MYO1D: variants seen among roughly 807,000 people sequenced by gnomAD.
The protein encoded by MYO1D is unconventional myosin-Id.
A neutral mutation model predicts 122.0 loss-of-function variants in MYO1D; 83 were observed. The observed-to-expected ratio is 0.68, with a 90% CI of 0.57 to 0.82. The LOEUF (loss-of-function observed/expected upper bound fraction) is 0.82. MYO1D is among the 40% of genes least tolerant of loss of function. The pLI, the probability that MYO1D is intolerant of heterozygous loss-of-function variation, is 0.00. For missense variants in MYO1D, 1,157 were observed against 1,269.5 expected, an observed-to-expected ratio of 0.91 and a Z score of 1.35; for synonymous variants, 464 against 446.9, an observed-to-expected ratio of 1.04 and a Z score of -0.48.
chr17:32,813,646 G>C (rs1000095159), intron 1 of MYO1D, among the ~76,000 whole-genome samples: 2 of 152,184 alleles, frequency 1.3e-5, no homozygotes, highest in African/African-American at 4.8e-5. Flanking sequence ...TAACAGTAAA[G>C]GAAAGGAAAA....
At chr17:32,790,991 C>T (rs1031432922) in intron 1 of MYO1D, among the ~76,000 whole-genome samples, 4 of 152,142 alleles carry the variant, frequency 2.6e-5, no homozygotes, top group African/African-American at 7.2e-5. Flanking sequence ...AAGTAGGAAA[C>T]GCACATGTCA....
intron 19 of MYO1D, among the ~76,000 whole-genome samples, chr17:32,644,607 G>A (rs1279519742): frequency 6.6e-6 from 1 of 152,118 alleles, no homozygotes; most frequent in Non-Finnish European, 1.5e-5. Flanking sequence ...CCTATATTGG[G>A]TGCATATATA....
chr17:32,709,784 G>A (rs1469419810), intron 16 of MYO1D, among the ~76,000 whole-genome samples: 2 of 151,984 alleles, frequency 1.3e-5, no homozygotes, highest in Admixed American at 6.6e-5. Context: ...ATCAAGAAAG[G>A]TTTTGTTCTA....
chr17:32,710,439 G>C (rs962005377), intron 16 of MYO1D, among the ~76,000 whole-genome samples: 7 of 152,126 alleles, frequency 4.6e-5, no homozygotes, highest in Non-Finnish European at 1.0e-4. Flanking sequence ...TATGAAGGTG[G>C]ATTCTAAATG....
Position 32,679,852 on chromosome 17 carries a change from G to C in MYO1D, c.2122-20514C>G, listed in dbSNP as rs1352038094. Among the ~76,000 whole-genome samples the C allele has an allele frequency of 2.7e-5, 4 of 150,938 alleles. No homozygotes were observed. The East Asian group carries it at 7.8e-4, about 30-fold the overall frequency. Reference sequence around the variant, plus strand: ...TTGAATCTGTAAATGACCTTGGGCAGTATGGCCATTTTCACGATATTGATT... The same window carrying C: ...TTGAATCTGTAAATGACCTTGGGCACTATGGCCATTTTCACGATATTGATT... On this transcript the variant is annotated intron_variant, in intron 16 of 21. Coordinates refer to ENST00000318217, the MANE Select transcript of MYO1D (RefSeq NM_015194.3).
At chr17:32,631,927 T>G (rs1029371885) in intron 20 of MYO1D, among the ~76,000 whole-genome samples, 12 of 123,436 alleles carry the variant, frequency 9.7e-5, no homozygotes, top group Admixed American at 1.7e-4. Flanking sequence ...TAGTTTGAAA[T>G]TTTTCATAAT....
At chr17:32,703,440 C>T (rs80212824) in intron 16 of MYO1D, among the ~76,000 whole-genome samples, 28,591 of 151,234 alleles carry the variant, frequency 0.19, 2,857 homozygotes, top group Middle Eastern at 0.3. Flanking sequence ...AAATTTTGAT[C>T]CCTTTTGCTT....
chr17:32,848,372 G>T (rs2090956551), intron 1 of MYO1D, among the ~76,000 whole-genome samples: 1 of 152,160 alleles, frequency 6.6e-6, no homozygotes, highest in Non-Finnish European at 1.5e-5. Flanking sequence ...CTCAAATATT[G>T]GTAAGTGAGT....
chr17:32,808,644 G>C (rs1025922746), intron 1 of MYO1D, among the ~76,000 whole-genome samples: 1 of 152,120 alleles, frequency 6.6e-6, no homozygotes, highest in Non-Finnish European at 1.5e-5. Flanking sequence ...GGGCCTTTGG[G>C]GTTAACCAGG....
chr17:32,604,374 A>T (rs2087600715), intron 21 of MYO1D, among the ~76,000 whole-genome samples: 1 of 152,190 alleles, frequency 6.6e-6, no homozygotes, highest in African/African-American at 2.4e-5. Context: ...AGAGCACTTG[A>T]CTTTGGAGAG....
chr17:32,627,652 A>G (rs2087946172), intron 20 of MYO1D: 1 of 152,096 alleles, frequency 6.6e-6, no homozygotes, highest in Admixed American at 6.6e-5. Flanking sequence ...TATTTGTGCA[A>G]TTAATTGGCT....
chr17:32,860,644 A>G (rs1012583758), intron 1 of MYO1D, among the ~76,000 whole-genome samples: 11 of 152,250 alleles, frequency 7.2e-5, no homozygotes, highest in South Asian at 6.2e-4. Flanking sequence ...AGGAAATTGA[A>G]GAGTTGCTAC....
chr17:32,623,586 A>C (rs2087881088), intron 20 of MYO1D, among the ~76,000 whole-genome samples: 1 of 152,196 alleles, frequency 6.6e-6, no homozygotes, highest in Non-Finnish European at 1.5e-5. Context: ...CAAACATTAA[A>C]CCATGGTCAA....
At chr17:32,552,829 G>C (rs946732472) in intron 21 of MYO1D, among the ~76,000 whole-genome samples, 4 of 152,162 alleles carry the variant, frequency 2.6e-5, no homozygotes, top group Non-Finnish European at 5.9e-5. Context: ...TGGAGACTAA[G>C]CTTTACTCCA....
At chr17:32,650,609 C>A (rs544913495) in intron 19 of MYO1D, among the ~76,000 whole-genome samples, 1 of 151,954 alleles carries the variant, frequency 6.6e-6, no homozygotes, top group East Asian at 1.9e-4. Flanking sequence ...GTGTTTAATT[C>A]TGGGTAGTTT....
intron 19 of MYO1D, among the ~76,000 whole-genome samples, chr17:32,650,959 A>C (rs539220946): frequency 3.5e-4 from 53 of 152,160 alleles, no homozygotes; most frequent in African/African-American, 1.3e-3. Context: ...AGTGGATGTC[A>C]TATGTTGTGA....
At chr17:32,673,090 C>CCTTTTTTT (rs2088745716) in intron 16 of MYO1D, among the ~76,000 whole-genome samples, 1 of 28,628 alleles carries the variant, frequency 3.5e-5, no homozygotes, top group Non-Finnish European at 8.5e-5. Flanking sequence ...AAACATGCTA[C>CCTTTTTTT]TTTTTTTTTT....
intron 21 of MYO1D, among the ~76,000 whole-genome samples, chr17:32,557,316 C>T (rs2087076650): frequency 6.6e-6 from 1 of 151,792 alleles, no homozygotes; most frequent in African/African-American, 2.4e-5. Context: ...GATGGGGTTT[C>T]ACCATGTTGG....
In MYO1D at chr17:32,704,914, T is replaced by G. The variant is rs149405819; in HGVS notation, c.2121+7074A>C. Among the ~76,000 whole-genome samples the G allele has an allele frequency of 2.0e-3, 300 of 152,236 alleles. 2 individuals carry two copies. Among genetic ancestry groups the G allele is most frequent in the African/African-American group, 6.9e-3 (286 of 41,572 alleles). ...TTGCATTTAATATAAAATAACATAT[T>G]TTAAATAATATAAAATTATATTTTT... is the stretch of plus-strand genomic sequence containing the variant. On this transcript the variant is annotated intron_variant, in intron 16 of 21. Coordinates refer to ENST00000318217, the MANE Select transcript of MYO1D (RefSeq NM_015194.3).
Sources: allele counts gnomAD v4.1 joint callset (sites outside exome capture counted in the v4.1 genomes callset), GRCh38; gene constraint gnomAD v4.1.1; transcripts MANE v1.5; gene names NCBI Gene and HGNC (gene_info 2026-07-23, HGNC 2026-07-21).